FREM2: variants seen among roughly 807,000 people sequenced by gnomAD.
FREM2 encodes the protein FRAS1-related extracellular matrix protein 2.
Under a neutral mutation model 219.9 loss-of-function variants are expected in FREM2, and 119 were observed. That is an observed-to-expected ratio of 0.54 (90% CI 0.47 to 0.63). The LOEUF is 0.63. Ranked by LOEUF, FREM2 falls within the 30% of genes least tolerant of loss-of-function variation. The probability of loss-of-function intolerance (pLI) is 0.00; values close to 1 mark genes in which losing one functional copy is unlikely to be tolerated. For synonymous variants in FREM2, 1,562 were observed against 1,522.8 expected, an observed-to-expected ratio of 1.03 and a Z score of -0.60; for missense variants, 4,030 against 3,993.6, an observed-to-expected ratio of 1.01 and a Z score of -0.25.
At chr13:38,831,613 A>AT (rs58656821) in intron 6 of FREM2, among the ~76,000 whole-genome samples, 108,424 of 143,000 alleles carry the variant, frequency 0.76, 42,134 homozygotes, top group East Asian at 0.94. Flanking sequence ...TTTAACTTCA[A>AT]TTTTTTTTTT....
intron 2 of FREM2, among the ~76,000 whole-genome samples, chr13:38,716,020 G>C (rs920440638): frequency 1.3e-5 from 2 of 151,944 alleles, no homozygotes; most frequent in African/African-American, 2.4e-5. Flanking sequence ...GTTGATTTAC[G>C]CCAGAGTATA....
intron 6 of FREM2, among the ~76,000 whole-genome samples, chr13:38,818,259 A>G (rs1323350324): frequency 1.3e-5 from 2 of 152,166 alleles, no homozygotes; most frequent in East Asian, 3.9e-4. Context: ...ACTATTTACA[A>G]TAGCTAAGAT....
intron 11 of FREM2, among the ~76,000 whole-genome samples, chr13:38,855,716 T>C (rs952679068): frequency 1.3e-5 from 2 of 152,032 alleles, no homozygotes; most frequent in Admixed American, 1.3e-4. Flanking sequence ...CAATGAACTT[T>C]TGGGACTCCA....
At chr13:38,818,433 A>G (rs1875857571) in intron 6 of FREM2, among the ~76,000 whole-genome samples, 1 of 152,160 alleles carries the variant, frequency 6.6e-6, no homozygotes, top group African/African-American at 2.4e-5. Flanking sequence ...AGCCAGACAC[A>G]GAAAGACAAA....
At chr13:38,720,364 T>C (rs1204377385) in intron 2 of FREM2, among the ~76,000 whole-genome samples, 1 of 152,210 alleles carries the variant, frequency 6.6e-6, no homozygotes, top group East Asian at 1.9e-4. Context: ...GCCAGTTCAA[T>C]TTGACACATT....
intron 2 of FREM2, among the ~76,000 whole-genome samples, chr13:38,741,963 G>A (rs945710780): frequency 2.0e-5 from 3 of 152,162 alleles, no homozygotes; most frequent in Admixed American, 2.0e-4. Flanking sequence ...AAAAATACAT[G>A]TTGAGCAGAG....
intron 6 of FREM2, among the ~76,000 whole-genome samples, chr13:38,787,464 C>G (rs916050427): frequency 7.9e-5 from 12 of 152,026 alleles, no homozygotes; most frequent in Non-Finnish European, 4.4e-5. Context: ...CCATTGCCAC[C>G]AATTTAACCT....
intron 8 of FREM2, among the ~76,000 whole-genome samples, chr13:38,849,094 C>T (rs1197616206): frequency 6.6e-6 from 1 of 152,124 alleles, no homozygotes; most frequent in Non-Finnish European, 1.5e-5. Context: ...CCCAGCCTAC[C>T]AATAAGGTCA....
At chr13:38,788,398 C>T (rs1452724292) in intron 6 of FREM2, among the ~76,000 whole-genome samples, 1 of 152,016 alleles carries the variant, frequency 6.6e-6, no homozygotes, top group Non-Finnish European at 1.5e-5. Context: ...AATACTGTAC[C>T]TTATCCACTG....
chr13:38,760,657 A>G (rs1400426605), intron 2 of FREM2, among the ~76,000 whole-genome samples: 11 of 152,166 alleles, frequency 7.2e-5, no homozygotes, highest in Non-Finnish European at 1.3e-4. Flanking sequence ...AATGAAAGAG[A>G]TATGTTATGT....
At chr13:38,704,502 T>A (rs1376242183) in intron 2 of FREM2, among the ~76,000 whole-genome samples, 1 of 152,152 alleles carries the variant, frequency 6.6e-6, no homozygotes, top group Non-Finnish European at 1.5e-5. Context: ...AGCAAAAGCA[T>A]GTGCAAAGGG....
chr13:38,805,301 A>G (rs1875181386), intron 6 of FREM2, among the ~76,000 whole-genome samples: 1 of 151,866 alleles, frequency 6.6e-6, no homozygotes, highest in Non-Finnish European at 1.5e-5. Flanking sequence ...ACCTGACATA[A>G]CTAGGACATC....
At chr13:38,834,851 C>T (rs935095281) in intron 6 of FREM2, among the ~76,000 whole-genome samples, 1 of 152,198 alleles carries the variant, frequency 6.6e-6, no homozygotes, top group Non-Finnish European at 1.5e-5. Context: ...GACACTAGCC[C>T]TTTATCAGAT....
intron 2 of FREM2, among the ~76,000 whole-genome samples, chr13:38,741,706 T>C (rs1448946920): frequency 6.6e-6 from 1 of 152,206 alleles, no homozygotes; most frequent in African/African-American, 2.4e-5. Context: ...TTCATTCCCT[T>C]ACTTGAGTTG....
At chr13:38,751,411 C>G (rs989394319) in intron 2 of FREM2, among the ~76,000 whole-genome samples, 7 of 152,140 alleles carry the variant, frequency 4.6e-5, no homozygotes, top group Admixed American at 4.6e-4. Context: ...ATCTCCTCCT[C>G]CCCTTTTCCT....
chr13:38,722,387 A>G (rs1268868696), intron 2 of FREM2, among the ~76,000 whole-genome samples: 1 of 151,942 alleles, frequency 6.6e-6, no homozygotes, highest in African/African-American at 2.4e-5. Context: ...TGTTTTTTAA[A>G]CAAACTCAAG....
intron 2 of FREM2, among the ~76,000 whole-genome samples, chr13:38,716,944 T>G (rs1028433555): frequency 1.3e-5 from 2 of 152,206 alleles, no homozygotes; most frequent in Non-Finnish European, 2.9e-5. Context: ...CATCCAGGTA[T>G]GGAAAGCTTA....
chr13:38,713,610 A>G (rs1311686751), intron 2 of FREM2, among the ~76,000 whole-genome samples: 1 of 152,188 alleles, frequency 6.6e-6, no homozygotes, highest in Admixed American at 6.5e-5. Flanking sequence ...CCTGTGATTT[A>G]TCGGTATTCT....
chr13:38,764,318 A>G lies in FREM2; in HGVS notation c.5278A>G (p.Thr1760Ala). 1 of 1,612,224 alleles carries G rather than the reference A, an allele frequency of 6.2e-7. No homozygotes were observed. The change falls in exon 3 of 24, where the codon ACG (threonine) becomes GCG (alanine). Residue 1760 changes from threonine to alanine, a missense_variant. Thr to Ala is a moderately conservative substitution (Grantham distance 58, BLOSUM62 0). This residue lies in a region of FREM2 where 3,102 missense variants were observed against 2,950.7 expected (regional missense o/e 1.05). Coordinates refer to ENST00000280481, the MANE Select transcript of FREM2 (RefSeq NM_207361.6). ...AVEDGGGNKL[T>A]YQNFRLNWAW... is the part of the protein sequence containing the mutation. The stretch of plus-strand genomic sequence containing the variant: ...TTATTTTCAAGGTGGAAACAAGTTA[A>G]CGTACCAGAATTTTCGTCTGAATTG...
Sources: gnomAD v4.1 joint callset for allele counts (sites outside exome capture counted in the v4.1 genomes callset) on GRCh38, gnomAD v4.1.1 for gene constraint, gnomAD v4.1.1 regional missense constraint, MANE v1.5 for transcripts, NCBI Gene and HGNC (gene_info 2026-07-23, HGNC 2026-07-21) for gene names.